Variants in MPP4 observed in about 807,000 individuals in gnomAD.
MPP4 encodes the protein MAGUK p55 subfamily member 4.
Under a neutral mutation model 98.3 loss-of-function variants are expected in MPP4, and 91 were observed. The ratio of observed to expected loss-of-function variants is 0.93; its 90% CI spans 0.78 to 1.10. MPP4 has a LOEUF of 1.10. MPP4 is among the 50% of genes least tolerant of loss of function. The probability of loss-of-function intolerance (pLI) is 0.00; values close to 1 mark genes in which losing one functional copy is unlikely to be tolerated. For synonymous variants in MPP4, 261 were observed against 271.8 expected (o/e 0.96, Z 0.39); for missense variants, 744 against 792.9 (o/e 0.94, Z 0.74).
intron 14 of MPP4, 121 bp from the exon 15 acceptor site, chr2:201,660,467 G>T: frequency 1.9e-6 from 2 of 1,035,242 alleles, no homozygotes; most frequent in Non-Finnish European, 3.0e-6. Flanking sequence ...ACTAGCAAAA[G>T]GTAACTCGGG....
At chr2:201,648,723 T>C (rs1687636177) in intron 20 of MPP4, among the ~76,000 whole-genome samples, 1 of 152,216 alleles carries the variant, frequency 6.6e-6, no homozygotes, top group South Asian at 2.1e-4. Flanking sequence ...ACCATCTGTT[T>C]TCCTCTGATT....
chr2:201,653,814 A>T (rs982083296), intron 18 of MPP4, among the ~76,000 whole-genome samples: 3 of 150,206 alleles, frequency 2.0e-5, no homozygotes, highest in African/African-American at 7.3e-5. Context: ...GTTAAAGCTT[A>T]AAAAAAAACT....
At chr2:201,652,954 T>C (rs1306552714) in intron 18 of MPP4, among the ~76,000 whole-genome samples, 3 of 152,198 alleles carry the variant, frequency 2.0e-5, no homozygotes, top group African/African-American at 7.2e-5. Flanking sequence ...AATGATATAT[T>C]GGGTTATTTT....
At chr2:201,651,813 G>T in intron 18 of MPP4, 1 of 328,096 alleles carries the variant, frequency 3.0e-6, no homozygotes, top group Non-Finnish European at 4.4e-6. Context: ...AATTAGCTAG[G>T]CATGGTGACG....
intron 16 of MPP4, 77 bp downstream of exon 16, chr2:201,658,400 C>T: frequency 7.8e-7 from 1 of 1,276,072 alleles, no homozygotes; most frequent in Admixed American, 2.1e-5. Context: ...GCAAAAGAAA[C>T]TTTCAAAACA....
intron 3 of MPP4, among the ~76,000 whole-genome samples, chr2:201,692,315 G>C (rs572171345): frequency 6.6e-6 from 1 of 152,218 alleles, no homozygotes; most frequent in East Asian, 1.9e-4. Context: ...AAGCTGAGCC[G>C]GACGGATCAC....
At chr2:201,688,716 C>A (rs1236569596) in intron 4 of MPP4, among the ~76,000 whole-genome samples, 1 of 151,986 alleles carries the variant, frequency 6.6e-6, no homozygotes, top group African/African-American at 2.4e-5. Flanking sequence ...TGGGTTCAAG[C>A]AATTTTCGTG....
At chr2:201,660,304 G>C (rs183636358) in intron 15 of MPP4, 28 bp downstream of exon 15, 1 of 1,584,982 alleles carries the variant, frequency 6.3e-7, no homozygotes, top group Non-Finnish European at 8.7e-7. Flanking sequence ...AGTTCTATTT[G>C]GTATATCTAG....
rs994236777 is a variant in MPP4 at position 201,656,431 on chromosome 2, C to A, written c.1130-63G>T. On this transcript the variant is annotated intron_variant, in intron 16 of 21. Coordinates refer to ENST00000409474, the MANE Select transcript of MPP4 (RefSeq NM_033066.3). ...AGGAGAGATCACTTGTAGCTTCACA[C>A]CTGATGAAATATGTAGCAACCATGA... 2.1e-6 allele frequency: 3 copies of A among 1,419,710 alleles called. No homozygotes were observed. In the East Asian group the frequency reaches 7.6e-5, roughly 36 times the overall value. 87.9% of individuals were successfully genotyped at this position (1,419,710 alleles called of 1,614,324 possible).
chr2:201,657,033 G>C (rs1187472008), intron 16 of MPP4, among the ~76,000 whole-genome samples: 1 of 152,198 alleles, frequency 6.6e-6, no homozygotes, highest in African/African-American at 2.4e-5. Context: ...AAGTGTGATG[G>C]GAAGCTGTTG....
rs760567504 is a variant in MPP4 at position 201,681,614 on chromosome 2, G to T, written c.661-47C>A. On this transcript the variant is annotated intron_variant, in intron 8 of 21. Transcript: ENST00000409474. ...AGGATGACAATCATGGAGCTAGCAG[G>T]GTTACTGGGGCTCGGTGGACAGAGT... The T allele has an allele frequency of 1.7e-5, 24 of 1,450,608 alleles. No homozygotes were observed. In the Admixed American group the frequency reaches 2.4e-4, roughly 14 times the overall value. The allele number at this position is 1,450,608 out of a possible 1,614,324, so 89.9% of individuals were successfully genotyped here. A position where few individuals can be genotyped will look rare whatever the true frequency, so the allele number is the denominator to read the frequency against.
In MPP4 at chr2:201,682,915, C is replaced by T; in HGVS notation, c.576G>A (p.Gly192=). The T allele has an allele frequency of 6.2e-7, 1 of 1,613,230 alleles. No homozygotes were observed. The stretch of plus-strand genomic sequence containing the variant: ...CCAGTTTGTCTCCAGCATATAGCAA[C>T]CCTAGGCAGACAGTAACAAAAAACA... ...IIHGGLAERS[G]LLYAGDKLVE... is the part of the protein sequence containing the mutation. The change falls in exon 8 of 22, where the codon GGG becomes GGA. Residue 192 remains glycine (G), a splice_region_variant and synonymous_variant. Transcript: ENST00000409474.
Position 201,653,109 on chromosome 2 carries a change from T to C in MPP4, c.1381+1728A>G, listed in dbSNP as rs527837109. Among the ~76,000 whole-genome samples, 20 of 152,284 alleles carry C rather than the reference T, an allele frequency of 1.3e-4. No homozygotes were observed. The South Asian group carries it at 2.9e-3, about 22-fold the overall frequency. ...GGCTTCCTCCTGGGCAGGAATCATA[T>C]AACCCTGGGCTGACTGTCTTATACA... On this transcript the variant is annotated intron_variant, in intron 18 of 21. Coordinates refer to ENST00000409474, the MANE Select transcript of MPP4 (RefSeq NM_033066.3).
intron 17 of MPP4, among the ~76,000 whole-genome samples, chr2:201,655,360 C>T (rs1574601956): frequency 6.6e-6 from 1 of 152,218 alleles, no homozygotes; most frequent in East Asian, 1.9e-4. Flanking sequence ...TCAGCACCCC[C>T]ATGTCCGGCC....
rs147555270 is a variant in MPP4, at chr2:201,681,024, C to T, written c.743G>A (p.Arg248His). 1,188 of 1,612,306 alleles carry T rather than the reference C, an allele frequency of 7.4e-4. 8 individuals are homozygous for T. Among genetic ancestry groups the T allele is most frequent in the Non-Finnish European group, 1.1e-4 (124 of 1,178,646 alleles). The change falls in exon 10 of 22, where the codon CGT (arginine) becomes CAT (histidine). Residue 248 changes from arginine (R) to histidine (H), a missense_variant. Coordinates refer to ENST00000409474, the MANE Select transcript of MPP4 (RefSeq NM_033066.3). ...PVNSQQMVYV[R>H]AMTEYWPQED... ...CTGGGGCCAGTACTCAGTCATGGCA[C>T]GGACGTACACCTGATGGCAGGTGCA...
At chr2:201,681,132 C>T in intron 9 of MPP4, 98 bp from the exon 10 acceptor site, 1 of 1,208,166 alleles carries the variant, frequency 8.3e-7, no homozygotes, top group Non-Finnish European at 1.2e-6. Flanking sequence ...ACCATTTCTC[C>T]CACTCCTCCA....
intron 11 of MPP4, among the ~76,000 whole-genome samples, chr2:201,673,803 TG>T (rs1259049282): frequency 6.6e-6 from 1 of 152,192 alleles, no homozygotes; most frequent in African/African-American, 2.4e-5. Context: ...CATAATAAAG[TG>T]GGTGAGGCTT....
chr2:201,671,806 C>A (rs150812471), intron 11 of MPP4, among the ~76,000 whole-genome samples: 3 of 152,064 alleles, frequency 2.0e-5, no homozygotes, highest in South Asian at 2.1e-4. Context: ...ATAGGGGAAG[C>A]CTTTAACAAC....
chr2:201,691,710 G>T (rs552110499), intron 3 of MPP4, among the ~76,000 whole-genome samples: 1 of 152,040 alleles, frequency 6.6e-6, no homozygotes, highest in Non-Finnish European at 1.5e-5. Flanking sequence ...GTAGAGACAG[G>T]GTTTTGCCAT....
Sources: allele counts gnomAD v4.1 joint callset (sites outside exome capture counted in the v4.1 genomes callset), GRCh38; gene constraint gnomAD v4.1.1; transcripts MANE v1.5; gene names NCBI Gene and HGNC (gene_info 2026-07-23, HGNC 2026-07-21).